Variants in GIMAP8 observed in about 807,000 individuals in gnomAD.
GIMAP8 encodes GTPase IMAP family member 8.
Under a neutral mutation model 35.6 loss-of-function variants are expected in GIMAP8, and 29 were observed. That is an observed-to-expected ratio of 0.81 (90% confidence interval 0.61 to 1.11). The LOEUF (loss-of-function observed/expected upper bound fraction) is 1.11, where lower values mean the gene tolerates loss of function less well. GIMAP8 is among the 50% of genes most tolerant of loss of function. The pLI, the probability that GIMAP8 is intolerant of heterozygous loss-of-function variation, is 0.00. For missense variants in GIMAP8, 811 were observed against 805.0 expected (o/e 1.01, Z -0.09); for synonymous variants, 335 against 308.7 (o/e 1.09, Z -0.89).
chr7:150,462,501 T>A (rs1362966769), intron 1 of GIMAP8, among the ~76,000 whole-genome samples: 7 of 152,246 alleles, frequency 4.6e-5, no homozygotes, highest in Admixed American at 3.9e-4. Context: ...TAGGACCCCA[T>A]TAAGCATTTC....
Position 150,451,683 on chromosome 7 carries a change from G to A in GIMAP8, c.-29+508G>A, listed in dbSNP as rs960969293. Among the ~76,000 whole-genome samples the A allele has an allele frequency of 1.3e-5, 2 of 152,158 alleles. No homozygotes were observed. Among genetic ancestry groups the A allele is most frequent in the East Asian group, 1.9e-4 (1 of 5,190 alleles). On this transcript the variant is annotated intron_variant, in intron 1 of 4. Transcript: ENST00000307271. This position sits in a 1 kb window ranked among gnomAD's most constrained non-coding sequence, Gnocchi z 4.1. ...GAGCAGCCCCCAGGAGGAAGCCAGC[G>A]GAGCTCCTCCCGCAAAGCAGGGGGT...
intron 2 of GIMAP8, among the ~76,000 whole-genome samples, chr7:150,467,847 G>C (rs1802005234): frequency 6.6e-6 from 1 of 152,116 alleles, no homozygotes. Flanking sequence ...TTTCAAATGA[G>C]TAGTAACTCT....
chr7:150,477,691 C>T lies in GIMAP8; in HGVS notation c.1909C>T (p.Gln637Ter). The T allele has an allele frequency of 1.2e-6, 2 of 1,614,160 alleles. No individual in the cohort carries two copies. Among genetic ancestry groups the T allele is most frequent in the Non-Finnish European group, 1.7e-6 (2 of 1,180,030 alleles). The part of the protein sequence containing the change: ...ESGWSGYPHT[Q>*]ENVSKLIKNV... ...TGGGTGGTCCGGGTATCCCCATACA[C>T]AGGAGAACGTCAGCAAACTAATTAA... The change falls in exon 5 of 5, where the codon CAG becomes TAG. Residue 637 changes from glutamine (Q) to a stop codon, truncating the protein, a stop_gained. Coordinates refer to ENST00000307271, the MANE Select transcript of GIMAP8 (RefSeq NM_175571.4). LOFTEE classifies it low-confidence loss of function (END_TRUNC).
intron 1 of GIMAP8, among the ~76,000 whole-genome samples, chr7:150,455,638 A>G (rs1287822183): frequency 1.3e-5 from 2 of 152,224 alleles, no homozygotes; most frequent in East Asian, 3.8e-4. Context: ...ATTTTTAACT[A>G]AAGGTGGCTT....
rs943352211 is a variant in GIMAP8 at position 150,451,584 on chromosome 7, G to C, written c.-29+409G>C. Among the ~76,000 whole-genome samples the C allele has an allele frequency of 2.6e-5, 4 of 152,194 alleles. No homozygotes were observed. Among genetic ancestry groups the C allele is most frequent in the African/African-American group, 9.7e-5 (4 of 41,446 alleles). ...GTGAGCCCTGAAGAGGAGGAGGGCT[G>C]AGACTGGCAGAAGGGAGGAAGAAGC... On this transcript the variant is annotated intron_variant, in intron 1 of 4. Transcript: ENST00000307271. The surrounding 1 kb of genome is among the most constrained non-coding windows in gnomAD (Gnocchi z 4.1).
chr7:150,473,873 G>A, intron 3 of GIMAP8, 139 bp from the exon 4 acceptor site: 5 of 835,712 alleles, frequency 6.0e-6, no homozygotes, highest in Non-Finnish European at 7.6e-6. Flanking sequence ...AGAGCTTCTG[G>A]CTGAGAGTAG....
At chr7:150,466,493 G>A (rs1801959398) in intron 1 of GIMAP8, among the ~76,000 whole-genome samples, 178 bp from the exon 2 acceptor site, 1 of 152,098 alleles carries the variant, frequency 6.6e-6, no homozygotes, top group South Asian at 2.1e-4. Flanking sequence ...TCAGAGATGA[G>A]GGAACAGGAA....
In GIMAP8 at chr7:150,470,830, A is replaced by T. The variant is rs761276295; in HGVS notation, c.638A>T (p.Asp213Val). 8 of 1,539,560 alleles carry T rather than the reference A, an allele frequency of 5.2e-6. No individual in the cohort carries two copies. Among genetic ancestry groups the T allele is most frequent in the Non-Finnish European group, 7.0e-6 (8 of 1,139,832 alleles). The change falls in exon 3 of 5, where the codon GAT becomes GTT. Residue 213 changes from aspartate (D) to valine (V), a missense_variant and splice_region_variant. Transcript: ENST00000307271. ...NFKTEGSRFQ[D>V]CVNEAASQEG... ...CTATTTTGTTCCTTTATTTTCTAGG[A>T]TTGTGTGAATGAAGCTGCATCTCAA...
At chr7:150,455,478 A>C (rs1475894996) in intron 1 of GIMAP8, among the ~76,000 whole-genome samples, 1 of 152,206 alleles carries the variant, frequency 6.6e-6, no homozygotes, top group Non-Finnish European at 1.5e-5. Context: ...AATACACTAA[A>C]AGTCCAATGG....
chr7:150,473,186 T>C (rs79231020), intron 3 of GIMAP8, among the ~76,000 whole-genome samples: 1,784 of 152,208 alleles, frequency 0.012, 37 homozygotes, highest in African/African-American at 0.041. Flanking sequence ...TCCCTTTTGC[T>C]CAGTTCATAG....
intron 3 of GIMAP8, among the ~76,000 whole-genome samples, chr7:150,473,514 T>A (rs1017373815): frequency 2.7e-5 from 4 of 148,614 alleles, no homozygotes; most frequent in African/African-American, 1.0e-4. Flanking sequence ...TAGTATGCAG[T>A]TTTTGTGTCC....
intron 3 of GIMAP8, 52 bp downstream of exon 3, chr7:150,470,926 C>T: frequency 1.6e-6 from 2 of 1,258,298 alleles, no homozygotes; most frequent in Non-Finnish European, 2.3e-6. Context: ...CTTTTGAATG[C>T]ATTCTGCAGC....
intron 2 of GIMAP8, among the ~76,000 whole-genome samples, chr7:150,468,577 C>T (rs1802024857): frequency 1.3e-5 from 2 of 152,138 alleles, no homozygotes; most frequent in South Asian, 4.1e-4. Flanking sequence ...ATATTGACTC[C>T]TACAGATGTA....
At chr7:150,465,710 G>C (rs555054506) in intron 1 of GIMAP8, among the ~76,000 whole-genome samples, 1 of 152,218 alleles carries the variant, frequency 6.6e-6, no homozygotes, top group Non-Finnish European at 1.5e-5. Context: ...ATTGCAAAGA[G>C]CTTGGCACAT....
At position 150,474,474 on chromosome 7, in the gene GIMAP8, A is replaced by G. The variant is rs1164625386; in HGVS notation, c.1145A>G (p.Asn382Ser). The change falls in exon 4 of 5, where the codon AAT becomes AGT. Residue 382 changes from asparagine to serine, a missense_variant. Coordinates refer to ENST00000307271, the MANE Select transcript of GIMAP8 (RefSeq NM_175571.4). ...QDLDTFLRNS[N>S]KALYGLIQKC... Reference sequence around the variant, plus strand: ...CTAGATACGTTCTTAAGAAACAGCAATAAAGCTCTCTATGGTCTCATCCAG... The same window carrying G: ...CTAGATACGTTCTTAAGAAACAGCAGTAAAGCTCTCTATGGTCTCATCCAG... 1.2e-6 allele frequency: 2 copies of G among 1,613,976 alleles called. No individual in the cohort carries two copies. Among genetic ancestry groups the G allele is most frequent in the Non-Finnish European group, 1.7e-6 (2 of 1,179,908 alleles).
At chr7:150,462,171 G>T (rs185407114) in intron 1 of GIMAP8, among the ~76,000 whole-genome samples, 281 of 152,230 alleles carry the variant, frequency 1.8e-3, no homozygotes, top group African/African-American at 6.3e-3. Flanking sequence ...GATTAATTAG[G>T]GTGGGGCAGA....
chr7:150,466,939 C>G lies in GIMAP8; in HGVS notation c.241C>G (p.Arg81Gly), dbSNP rs771971319. The G allele has an allele frequency of 1.2e-6, 2 of 1,614,076 alleles. No individual in the cohort carries two copies. The highest frequency in any genetic ancestry group is 8.5e-7 in the Non-Finnish European group (1 of 1,180,026). Residue 81 changes from arginine (R) to glycine (G), a missense_variant, in exon 2 of 5, where the codon CGC becomes GGC. Physicochemically the swap from Arg to Gly is moderately radical, Grantham distance 125. Transcript: ENST00000307271. The stretch of plus-strand genomic sequence containing the variant: ...AATAGCTTGTGCTGAAGACAAGCAA[C>G]GCAACATCCAACACTGCTTGGAGCT... Reference protein sequence around the residue: ...SSIACAEDKQRNIQHCLELSA... With the variant: ...SSIACAEDKQGNIQHCLELSA...
chr7:150,477,582 T>A lies in GIMAP8; in HGVS notation c.1800T>A (p.Ala600=). The A allele has an allele frequency of 6.2e-7, 1 of 1,614,190 alleles. No homozygotes were observed. The highest frequency in any genetic ancestry group is 8.5e-7 in the Non-Finnish European group (1 of 1,180,030). The change falls in exon 5 of 5, where the codon GCT becomes GCA. Residue 600 remains alanine, a synonymous_variant. Transcript: ENST00000307271. ...AAAAGTGTGGGCGGCGAGTTTGTGC[T>A]TTTAACAACAAAGAAACAGGCCAGG... ...IFKKCGRRVC[A]FNNKETGQAQ...
chr7:150,467,786 T>G lies in GIMAP8; in HGVS notation c.636+452T>G, dbSNP rs543758753. Among the ~76,000 whole-genome samples, 111 of 152,294 alleles carry G rather than the reference T, an allele frequency of 7.3e-4. 1 individual carries two copies. The highest frequency in any genetic ancestry group is 2.3e-3 in the African/African-American group (96 of 41,560). On this transcript the variant is annotated intron_variant, in intron 2 of 4. Transcript: ENST00000307271. Reference sequence around the variant, plus strand: ...TTCCTCAATTCTTTGTACTCTCTTCTCAGATGATCCCACACTTTTATGGCA... The same window carrying G: ...TTCCTCAATTCTTTGTACTCTCTTCGCAGATGATCCCACACTTTTATGGCA...
Sources: gnomAD v4.1 joint callset for allele counts (sites outside exome capture counted in the v4.1 genomes callset) on GRCh38, gnomAD v4.1.1 for gene constraint, Gnocchi (gnomAD v3.1) non-coding constraint, MANE v1.5 for transcripts, NCBI Gene and HGNC (gene_info 2026-07-23, HGNC 2026-07-21) for gene names.